PSMD2: variants seen among roughly 807,000 people sequenced by gnomAD.
PSMD2 encodes the protein proteasome 26S subunit ubiquitin receptor, non-ATPase 2, also known as 26S proteasome non-ATPase regulatory subunit 2.
A neutral mutation model predicts 101.5 loss-of-function variants in PSMD2; 8 were observed. The observed-to-expected ratio is 0.08, with a 90% CI of 0.05 to 0.14. The LOEUF is 0.14. PSMD2 is among the 10% of genes least tolerant of loss of function. The probability of loss-of-function intolerance (pLI) is 1.00; values close to 1 mark genes in which losing one functional copy is unlikely to be tolerated. For missense variants in PSMD2, 784 were observed against 1,147.4 expected (o/e 0.68, Z 4.58); for synonymous variants, 418 against 433.8 (o/e 0.96, Z 0.45).
rs754681779 is a variant in PSMD2 at position 184,308,865 on chromosome 3, G to A, written c.2702G>A (p.Arg901Gln). The A allele has an allele frequency of 1.9e-6, 3 of 1,612,222 alleles. No individual in the cohort carries two copies. Among genetic ancestry groups the A allele is most frequent in the African/African-American group, 1.3e-5 (1 of 74,938 alleles). The change falls in exon 21 of 21, where the codon CGG (arginine) becomes CAG (glutamine). Residue 901 changes from arginine (R) to glutamine (Q), a missense_variant. Arg to Gln is a conservative substitution (Grantham distance 43, BLOSUM62 1). This residue lies in a region of PSMD2 where 33 missense variants were observed against 38.2 expected (regional missense o/e 0.86). Coordinates refer to ENST00000310118, the MANE Select transcript of PSMD2 (RefSeq NM_002808.5). The surrounding 1 kb of genome is among the most constrained non-coding windows in gnomAD (Gnocchi z 6.0). ...ATTCTGGAAGGTTTTGTTATCCTTC[G>A]GAAGAACCCCAATTATGATCTCTAA... ...TPILEGFVILRKNPNYDL is the reference protein window; with the variant it reads ...TPILEGFVILQKNPNYDL
In PSMD2 at chr3:184,299,335, C is replaced by G; in HGVS notation, c.69C>G (p.Gly23=). Residue 23 remains glycine (G), a synonymous_variant, in exon 1 of 21, where the codon GGC becomes GGG. Transcript: ENST00000310118. Reference sequence around the variant, plus strand: ...AGTCTCCAGCGGCGGCCCCCGGCGGCACGGACGAGAAGCCGAGCGGCAAGG... The same window carrying G: ...AGTCTCCAGCGGCGGCCCCCGGCGGGACGGACGAGAAGCCGAGCGGCAAGG... ...PQQSPAAAPG[G]TDEKPSGKER... is the part of the protein sequence containing the mutation. 1 of 1,411,418 alleles carries G rather than the reference C, an allele frequency of 7.1e-7. No homozygotes were observed. The highest frequency in any genetic ancestry group is 9.2e-7 in the Non-Finnish European group (1 of 1,086,150). The allele number at this position is 1,411,418 out of a possible 1,614,324, so 87.4% of individuals were successfully genotyped here.
Position 184,308,408 on chromosome 3 carries a change from CTT to C in PSMD2, c.2426-37_2426-36del. ...TCTCAATGTTTCTGGCCAGGCCTGT[CTT>C]TTTGTCTCTTAACTTTTTGTCCTGT... On this transcript the variant is annotated intron_variant, in intron 19 of 20. Coordinates refer to ENST00000310118, the MANE Select transcript of PSMD2 (RefSeq NM_002808.5). This position sits in a 1 kb window ranked among gnomAD's most constrained non-coding sequence, Gnocchi z 6.0. 1 of 1,514,896 alleles carries C rather than the reference CTT, an allele frequency of 6.6e-7. No individual in the cohort carries two copies. The highest frequency in any genetic ancestry group is 9.1e-7 in the Non-Finnish European group (1 of 1,104,192). 93.8% of individuals were successfully genotyped at this position (1,514,896 alleles called of 1,614,324 possible). A position where few individuals can be genotyped will look rare whatever the true frequency, so the allele number is the denominator to read the frequency against.
chr3:184,306,237 C>T, intron 14 of PSMD2, 82 bp downstream of exon 14: 4 of 1,595,948 alleles, frequency 2.5e-6, no homozygotes, highest in Non-Finnish European at 3.4e-6. Flanking sequence ...GGTTGTTTCT[C>T]CTTTCTCCTT....
chr3:184,300,731 T>G, intron 3 of PSMD2: 1 of 940,092 alleles, frequency 1.1e-6, no homozygotes, highest in Non-Finnish European at 1.3e-6. Flanking sequence ...CCCATATACA[T>G]TCATTTATCT....
chr3:184,307,365 T>C lies in PSMD2; in HGVS notation c.2043T>C (p.Tyr681=), dbSNP rs374585139. 13 of 1,614,116 alleles carry C rather than the reference T, an allele frequency of 8.1e-6. No individual in the cohort carries two copies. The East Asian group carries it at 2.0e-4, about 25-fold the overall frequency. Residue 681 remains tyrosine, a synonymous_variant, in exon 17 of 21, where the codon TAT becomes TAC. Transcript: ENST00000310118. ...TTTTCTTGGATCATCAGCTGAGATA[T>C]GGGGAGCCTACACTCCGGAGGGCTG... ...ALRTFGHLLR[Y]GEPTLRRAVP... is the part of the protein sequence containing the mutation.
chr3:184,303,358 A>T lies in PSMD2; in HGVS notation c.1108A>T (p.Met370Leu). ...GSGSQVDSAR[M>L]NLASSFVNGF... is the part of the protein sequence containing the mutation. ...TGGCTCTCAGGTGGACTCTGCCCGC[A>T]TGAACCTGGCCTCCTCTTTTGTGAA... is the stretch of plus-strand genomic sequence containing the variant. The change falls in exon 9 of 21, where the codon ATG becomes TTG. Residue 370 changes from methionine to leucine, a missense_variant. By Grantham distance (15) the Met-to-Leu change is conservative (BLOSUM62 2). Around this residue, in one of 6 missense-constraint regions of PSMD2, gnomAD observed 208 missense variants for 301.6 expected, o/e 0.69. Transcript: ENST00000310118. The T allele has an allele frequency of 6.2e-7, 1 of 1,614,060 alleles. No individual in the cohort carries two copies.
chr3:184,301,503 TG>T (rs1292998627), intron 3 of PSMD2, 33 bp from the exon 4 acceptor site: 1 of 1,611,580 alleles, frequency 6.2e-7, no homozygotes, highest in Non-Finnish European at 8.5e-7. Flanking sequence ...GCTGGACTGC[TG>T]GGTTTGACTT....
chr3:184,300,827 G>C (rs746560308), intron 3 of PSMD2: 1 of 241,438 alleles, frequency 4.1e-6, no homozygotes, highest in Non-Finnish European at 7.1e-6. Flanking sequence ...ATGGGTTATT[G>C]CAGCACCTCT....
Position 184,308,693 on chromosome 3 carries a change from T to G in PSMD2, c.2545-15T>G, listed in dbSNP as rs750036772. 1 of 1,605,746 alleles carries G rather than the reference T, an allele frequency of 6.2e-7. No homozygotes were observed. The highest frequency in any genetic ancestry group is 1.1e-5 in the South Asian group (1 of 90,620). On this transcript the variant is annotated splice_polypyrimidine_tract_variant and intron_variant, in intron 20 of 20. Transcript: ENST00000310118. This position sits in a 1 kb window ranked among gnomAD's most constrained non-coding sequence, Gnocchi z 6.0. Reference sequence around the variant, plus strand: ...CTACTTTTCCATCTCTCTTTTCAATTTTCTTACCCTACAGGCAGTGGATGT... The same window carrying G: ...CTACTTTTCCATCTCTCTTTTCAATGTTCTTACCCTACAGGCAGTGGATGT...
At chr3:184,301,339 A>G (rs1721636566) in intron 3 of PSMD2, among the ~76,000 whole-genome samples, 198 bp from the exon 4 acceptor site, 1 of 150,610 alleles carries the variant, frequency 6.6e-6, no homozygotes. Context: ...TGAGTCTCAA[A>G]AAAAAAAAAA....
At position 184,304,921 on chromosome 3, in the gene PSMD2, T is replaced by A. The variant is rs535931402; in HGVS notation, c.1539+530T>A. ...AAAAAAAAAATTAACATTTTAGTGT[T>A]GAGTTCTGTCCCTTGGAATCTCTGA... On this transcript the variant is annotated intron_variant, in intron 12 of 20. Transcript: ENST00000310118. This position sits in a 1 kb window ranked among gnomAD's most constrained non-coding sequence, Gnocchi z 4.1. Among the ~76,000 whole-genome samples the A allele has an allele frequency of 6.6e-6, 1 of 152,186 alleles. No homozygotes were observed. The highest frequency in any genetic ancestry group is 2.1e-4 in the South Asian group (1 of 4,824).
intron 10 of PSMD2, 43 bp downstream of exon 10, chr3:184,303,792 A>G: frequency 6.2e-7 from 1 of 1,606,884 alleles, no homozygotes; most frequent in Non-Finnish European, 8.5e-7. Context: ...TCCCCGTTCC[A>G]TATTCTAGTG....
chr3:184,301,740 T>C (rs1721650569), intron 4 of PSMD2, 82 bp downstream of exon 4: 1 of 1,609,230 alleles, frequency 6.2e-7, no homozygotes, highest in Non-Finnish European at 8.5e-7. Context: ...GTACAATCTG[T>C]CTTGGAGCAT....
chr3:184,300,499 G>T, intron 3 of PSMD2, 55 bp downstream of exon 3: 2 of 1,577,194 alleles, frequency 1.3e-6, no homozygotes, highest in Non-Finnish European at 1.7e-6. Context: ...TTTTTACCCA[G>T]ATCATGGGGG....
rs140383569 is a variant in PSMD2 at position 184,300,427 on chromosome 3, G to A, written c.340G>A (p.Ala114Thr). The A allele has an allele frequency of 1.4e-5, 22 of 1,613,550 alleles. No homozygotes were observed. In the African/African-American group the frequency reaches 2.8e-4, roughly 21 times the overall value. The change falls in exon 3 of 21, where the codon GCC becomes ACC. Residue 114 changes from alanine (A) to threonine (T), a missense_variant. This residue lies in a region of PSMD2 where 196 missense variants were observed against 182.4 expected (regional missense o/e 1.07). Transcript: ENST00000310118. Reference protein sequence around the residue: ...GKLKEIYENMAPGENKRFAAD... With the variant: ...GKLKEIYENMTPGENKRFAAD... ...ACTGAAGGAAATCTATGAGAACATG[G>A]CCCCTGGGGAGAATAAGGTAAAACT...
At chr3:184,300,754 C>T (rs1208384266) in intron 3 of PSMD2, 3 of 777,248 alleles carry the variant, frequency 3.9e-6, no homozygotes, top group African/African-American at 3.7e-5. Context: ...AAAATATGTT[C>T]CACATTCAGT....
chr3:184,306,920 G>C (rs760457272), intron 16 of PSMD2, 86 bp downstream of exon 16: 22 of 1,029,172 alleles, frequency 2.1e-5, no homozygotes, highest in Non-Finnish European at 3.2e-5. Context: ...GGGTTTTCTT[G>C]GTGGAGAGCT....
rs140780817 is a variant in PSMD2, at chr3:184,305,125, C to G, written c.1540-643C>G. Among the ~76,000 whole-genome samples, 1,413 of 152,270 alleles carry G rather than the reference C, an allele frequency of 9.3e-3. 14 individuals are homozygous for G. The highest frequency in any genetic ancestry group is 0.015 in the Non-Finnish European group (1,019 of 68,018). On this transcript the variant is annotated intron_variant, in intron 12 of 20. Coordinates refer to ENST00000310118, the MANE Select transcript of PSMD2 (RefSeq NM_002808.5). ...GAGTCAGAAAGACTTGAGTTCAAAT[C>G]TTGCCACCTCTGCTTATAAGCAGTG...
At chr3:184,299,541 C>T in intron 1 of PSMD2, 140 bp downstream of exon 1, 3 of 1,142,964 alleles carry the variant, frequency 2.6e-6, no homozygotes, top group Non-Finnish European at 3.4e-6. Context: ...CTCCCGGCAC[C>T]TTGCCTCTCT....
Sources: allele counts gnomAD v4.1 joint callset (sites outside exome capture counted in the v4.1 genomes callset), GRCh38; gene constraint gnomAD v4.1.1; regional missense constraint gnomAD v4.1.1; non-coding constraint Gnocchi (gnomAD v3.1); transcripts MANE v1.5; gene names NCBI Gene and HGNC (gene_info 2026-07-23, HGNC 2026-07-21).